The following EYS variants were observed in gnomAD, a reference collection of about 807,000 sequenced individuals.
EYS encodes protein eyes shut homolog.
EYS carries 250 observed loss-of-function variants against 282.1 expected under a neutral mutation model. The ratio of observed to expected loss-of-function variants is 0.89; its 90% CI spans 0.80 to 0.98. The LOEUF is 0.98. EYS is among the 50% of genes least tolerant of loss of function. The probability of loss-of-function intolerance (pLI) is 0.00; values close to 1 mark genes in which losing one functional copy is unlikely to be tolerated. For synonymous variants in EYS, 1,355 were observed against 1,282.9 expected (o/e 1.06, Z -1.20); for missense variants, 4,016 against 3,709.0 (o/e 1.08, Z -2.15).
At position 64,891,165 on chromosome 6, in the gene EYS, T is replaced by TAA. The variant is rs67723372; in HGVS notation, c.2847-4325_2847-4324dup. Among the ~76,000 whole-genome samples, 1,139 of 145,164 alleles carry TAA rather than the reference T, an allele frequency of 7.8e-3. 13 individuals are homozygous for TAA. Among genetic ancestry groups the TAA allele is most frequent in the African/African-American group, 0.027 (1,061 of 39,574 alleles). On this transcript the variant is annotated intron_variant, in intron 18 of 42. Transcript: ENST00000503581. ...ATGGCATCTAAAATTTCATAGAGATTAAAAAAAAAAAAATCATCGACATTA... is the reference window on the plus strand; with the variant it reads ...ATGGCATCTAAAATTTCATAGAGATTAAAAAAAAAAAAAAATCATCGACATTA...
intron 35 of EYS, among the ~76,000 whole-genome samples, chr6:63,874,076 A>G (rs1298872521): frequency 3.3e-5 from 5 of 152,302 alleles, no homozygotes; most frequent in East Asian, 3.9e-4. Flanking sequence ...GCCCATGCCT[A>G]TGTCCTGAAT....
chr6:64,123,177 A>G (rs1773648641), intron 31 of EYS, among the ~76,000 whole-genome samples: 1 of 152,238 alleles, frequency 6.6e-6, no homozygotes, highest in Non-Finnish European at 1.5e-5. Context: ...CTGAACAGTT[A>G]GGAGGCAAAT....
intron 31 of EYS, among the ~76,000 whole-genome samples, chr6:64,216,099 T>C (rs1765918633): frequency 6.6e-6 from 1 of 152,196 alleles, no homozygotes; most frequent in Non-Finnish European, 1.5e-5. Flanking sequence ...TAGCAGGCAT[T>C]GGATTGTGAA....
chr6:65,562,317 A>G (rs144474502), intron 2 of EYS, among the ~76,000 whole-genome samples: 78 of 152,168 alleles, frequency 5.1e-4, no homozygotes, highest in African/African-American at 1.9e-3. Context: ...AGCAGGGTAC[A>G]TATCACCCAT....
chr6:65,631,326 A>G (rs1236419335), intron 2 of EYS, among the ~76,000 whole-genome samples: 3 of 152,152 alleles, frequency 2.0e-5, no homozygotes. Flanking sequence ...AAGAATGCAT[A>G]TCATTTCTGG....
rs547768757 is a variant in EYS, at chr6:64,488,465, T to C, written c.5645-49113A>G. Among the ~76,000 whole-genome samples the C allele has an allele frequency of 3.3e-5, 5 of 151,232 alleles. No individual in the cohort carries two copies. The South Asian group carries it at 6.2e-4, about 19-fold the overall frequency. Reference sequence around the variant, plus strand: ...ACCATGGGACACCCAGTTTACTGTGTTGTAATAGACTATTGTTAAAATGAA... The same window carrying C: ...ACCATGGGACACCCAGTTTACTGTGCTGTAATAGACTATTGTTAAAATGAA... On this transcript the variant is annotated intron_variant, in intron 26 of 42. Transcript: ENST00000503581.
At chr6:63,762,013 A>C (rs1303592654) in intron 41 of EYS, among the ~76,000 whole-genome samples, 1 of 151,998 alleles carries the variant, frequency 6.6e-6, no homozygotes, top group Non-Finnish European at 1.5e-5. Flanking sequence ...GTTGCTTCTT[A>C]CTGTTACTAC....
intron 5 of EYS, among the ~76,000 whole-genome samples, chr6:65,444,485 G>C (rs1316520271): frequency 1.3e-5 from 2 of 152,008 alleles, no homozygotes; most frequent in Non-Finnish European, 2.9e-5. Flanking sequence ...CAGGATGCTG[G>C]GCAGCTTAGC....
chr6:63,745,895 A>C (rs1769198885), intron 41 of EYS, among the ~76,000 whole-genome samples: 1 of 152,128 alleles, frequency 6.6e-6, no homozygotes, highest in Non-Finnish European at 1.5e-5. Flanking sequence ...TCCTTATAAG[A>C]AGAAACACCA....
intron 36 of EYS, among the ~76,000 whole-genome samples, chr6:63,844,373 TA>T (rs1772043585): frequency 1.3e-5 from 2 of 152,220 alleles, no homozygotes; most frequent in Admixed American, 1.3e-4. Flanking sequence ...ATATACTCAG[TA>T]ATTGGATTGC....
chr6:64,809,008 G>A (rs1019850524), intron 22 of EYS, among the ~76,000 whole-genome samples: 1 of 152,032 alleles, frequency 6.6e-6, no homozygotes, highest in Non-Finnish European at 1.5e-5. Context: ...AGTAAAAATA[G>A]GCTTTCATGG....
At chr6:64,307,331 T>C (rs976711048) in intron 29 of EYS, among the ~76,000 whole-genome samples, 5 of 152,092 alleles carry the variant, frequency 3.3e-5, no homozygotes, top group African/African-American at 1.2e-4. Flanking sequence ...AAAGAAATTA[T>C]GTTTGTGTAC....
chr6:63,774,945 C>A (rs1389347271), intron 40 of EYS, among the ~76,000 whole-genome samples: 2 of 146,812 alleles, frequency 1.4e-5, no homozygotes, highest in African/African-American at 5.0e-5. Context: ...ACACATAGAA[C>A]TAAGAACTAA....
intron 2 of EYS, among the ~76,000 whole-genome samples, chr6:65,585,349 A>C (rs970072703): frequency 3.9e-5 from 6 of 151,968 alleles, no homozygotes; most frequent in Admixed American, 2.0e-4. Flanking sequence ...AAAAGAAATA[A>C]ACAGACTGGC....
Position 65,082,312 on chromosome 6 carries a change from A to G in EYS, c.2024-24585T>C, listed in dbSNP as rs942325391. Among the ~76,000 whole-genome samples the G allele has an allele frequency of 3.0e-4, 46 of 152,064 alleles. 1 individual carries two copies. The highest frequency in any genetic ancestry group is 1.3e-4 in the Admixed American group (2 of 15,236). ...ATGGTGGAGGTTATGGATATAGTCC[A>G]CATAAATAAACCAATTATTTATGAG... On this transcript the variant is annotated intron_variant, in intron 12 of 42. Transcript: ENST00000503581.
intron 26 of EYS, among the ~76,000 whole-genome samples, chr6:64,440,066 C>T (rs958761266): frequency 6.6e-6 from 1 of 151,302 alleles, no homozygotes; most frequent in African/African-American, 2.4e-5. Flanking sequence ...ATTTGAATAT[C>T]GCCTTTCTTC....
intron 29 of EYS, among the ~76,000 whole-genome samples, chr6:64,380,848 C>T (rs1772721462): frequency 1.3e-5 from 2 of 151,882 alleles, no homozygotes; most frequent in Non-Finnish European, 2.9e-5. Context: ...AAACCCGTCT[C>T]TACTAAAAAT....
intron 30 of EYS, among the ~76,000 whole-genome samples, chr6:64,257,743 C>T (rs954196119): frequency 9.3e-5 from 14 of 150,962 alleles, no homozygotes; most frequent in African/African-American, 2.7e-4. Flanking sequence ...ATGCTCACAC[C>T]GCTGCTCTGC....
At chr6:64,322,199 C>A (rs917853639) in intron 29 of EYS, among the ~76,000 whole-genome samples, 4 of 151,948 alleles carry the variant, frequency 2.6e-5, no homozygotes, top group Non-Finnish European at 4.4e-5. Context: ...AATTAATCGA[C>A]ATTTTTTCCC....
Sources: gnomAD v4.1 joint callset for allele counts (sites outside exome capture counted in the v4.1 genomes callset) on GRCh38, gnomAD v4.1.1 for gene constraint, MANE v1.5 for transcripts, NCBI Gene and HGNC (gene_info 2026-07-23, HGNC 2026-07-21) for gene names.